CDH13: variants seen among roughly 807,000 people sequenced by gnomAD.
CDH13 encodes the protein cadherin 13.
In CDH13, 24 loss-of-function variants were observed where a neutral mutation model predicts 63.8. The ratio of observed to expected loss-of-function variants is 0.38; its 90% confidence interval spans 0.27 to 0.53. The LOEUF (loss-of-function observed/expected upper bound fraction) is 0.53. Among genes scored for constraint, CDH13 ranks in the 20% least tolerant of loss-of-function variants. CDH13 has a pLI of 0.85. For synonymous variants in CDH13, 503 were observed against 355.3 expected (o/e 1.42, Z -4.67); for missense variants, 1,049 against 903.1 (o/e 1.16, Z -2.07).
chr16:83,411,805 G>C (rs1301643698), intron 6 of CDH13, among the ~76,000 whole-genome samples: 2 of 152,198 alleles, frequency 1.3e-5, no homozygotes, highest in South Asian at 2.1e-4. Flanking sequence ...AAACTAACAA[G>C]TATGGAGCAT....
At chr16:83,391,751 G>T (rs2091791231) in intron 6 of CDH13, among the ~76,000 whole-genome samples, 1 of 152,154 alleles carries the variant, frequency 6.6e-6, no homozygotes, top group Non-Finnish European at 1.5e-5. Context: ...TATTGCCATT[G>T]GTTAGGCAAT....
chr16:82,770,204 T>C (rs1489155789), intron 1 of CDH13, among the ~76,000 whole-genome samples: 2 of 152,236 alleles, frequency 1.3e-5, no homozygotes, highest in East Asian at 3.8e-4. Context: ...TAGAGAATAG[T>C]GTTCGAATAG....
At chr16:83,747,335 A>G (rs1912679317) in intron 10 of CDH13, among the ~76,000 whole-genome samples, 1 of 152,144 alleles carries the variant, frequency 6.6e-6, no homozygotes, top group South Asian at 2.1e-4. Flanking sequence ...GATAGTGAAT[A>G]AGTCCCATGA....
intron 11 of CDH13, among the ~76,000 whole-genome samples, chr16:83,765,652 C>T (rs1914328069): frequency 6.6e-6 from 1 of 151,946 alleles, no homozygotes; most frequent in South Asian, 2.1e-4. Context: ...AGTTTAAAAA[C>T]AATGAGATTC....
intron 7 of CDH13, among the ~76,000 whole-genome samples, chr16:83,589,382 A>G (rs1272633757): frequency 7.6e-6 from 1 of 131,152 alleles, no homozygotes; most frequent in African/African-American, 2.8e-5. Flanking sequence ...CTCCCCCAAC[A>G]CCATCTTCTC....
intron 6 of CDH13, among the ~76,000 whole-genome samples, chr16:83,429,326 C>A (rs1420380655): frequency 6.6e-6 from 1 of 152,176 alleles, no homozygotes; most frequent in African/African-American, 2.4e-5. Flanking sequence ...TCATGAGGTA[C>A]AGGGGACTTA....
At chr16:82,815,381 A>G (rs1326750845) in intron 1 of CDH13, among the ~76,000 whole-genome samples, 1 of 152,058 alleles carries the variant, frequency 6.6e-6, no homozygotes, top group African/African-American at 2.4e-5. Context: ...ATGGTACACA[A>G]TTCTAAGGTG....
At chr16:82,854,307 A>C (rs557415045) in intron 1 of CDH13, among the ~76,000 whole-genome samples, 1 of 149,992 alleles carries the variant, frequency 6.7e-6, no homozygotes, top group South Asian at 2.2e-4. Flanking sequence ...AGGCTGAGGC[A>C]GGAGAATGGC....
intron 1 of CDH13, chr16:82,639,524 A>G: frequency 8.5e-7 from 1 of 1,171,368 alleles, no homozygotes; most frequent in Non-Finnish European, 1.2e-6. Flanking sequence ...AGGGATGCTA[A>G]GAAACCCTGT....
At position 82,850,654 on chromosome 16, in the gene CDH13, A is replaced by C. The variant is rs113615617; in HGVS notation, c.46-7708A>C. Among the ~76,000 whole-genome samples, 1,082 of 152,328 alleles carry C rather than the reference A, an allele frequency of 7.1e-3. 13 individuals are homozygous for C. Among genetic ancestry groups the C allele is most frequent in the African/African-American group, 0.023 (966 of 41,560 alleles). On this transcript the variant is annotated intron_variant, in intron 1 of 13. Transcript: ENST00000567109. ...CAAATAGCATCACATGCTATAGAGAAATCATTCGTGAAAGGAAGAGTCGAT... is the reference window on the plus strand; with the variant it reads ...CAAATAGCATCACATGCTATAGAGACATCATTCGTGAAAGGAAGAGTCGAT...
chr16:83,762,061 A>AAAAAATAAAAT (rs1368745709), intron 11 of CDH13, among the ~76,000 whole-genome samples: 1 of 151,736 alleles, frequency 6.6e-6, no homozygotes, highest in African/African-American at 2.4e-5. Flanking sequence ...GACCCCACCT[A>AAAAAATAAAAT]AAAAATAAAA....
intron 2 of CDH13, among the ~76,000 whole-genome samples, chr16:82,942,652 C>T (rs1904305018): frequency 6.6e-6 from 1 of 152,076 alleles, no homozygotes; most frequent in African/African-American, 2.4e-5. Context: ...GCTGTATGTG[C>T]ACTGGCCTGG....
intron 9 of CDH13, among the ~76,000 whole-genome samples, chr16:83,672,034 C>T (rs1914542192): frequency 6.6e-6 from 1 of 152,190 alleles, no homozygotes; most frequent in South Asian, 2.1e-4. Flanking sequence ...GCCTGAGCAG[C>T]AGGGATCAAT....
At chr16:82,899,489 G>C (rs1265862990) in intron 2 of CDH13, among the ~76,000 whole-genome samples, 2 of 152,038 alleles carry the variant, frequency 1.3e-5, no homozygotes, top group Non-Finnish European at 2.9e-5. Flanking sequence ...TTTCAGATTT[G>C]TTTGATGATA....
chr16:83,364,567 G>A (rs2091223695), intron 6 of CDH13, among the ~76,000 whole-genome samples: 1 of 152,184 alleles, frequency 6.6e-6, no homozygotes. Flanking sequence ...TGGAAGAGGT[G>A]ACTTTAAACT....
chr16:83,606,947 A>G (rs928811271), intron 8 of CDH13, among the ~76,000 whole-genome samples: 1 of 151,968 alleles, frequency 6.6e-6, no homozygotes, highest in African/African-American at 2.4e-5. Context: ...AGTAAATGTC[A>G]CTTGAAAACT....
At chr16:83,377,209 C>G (rs953873269) in intron 6 of CDH13, among the ~76,000 whole-genome samples, 1 of 152,020 alleles carries the variant, frequency 6.6e-6, no homozygotes, top group Non-Finnish European at 1.5e-5. Context: ...ACTAAATAAC[C>G]AGAATAAGAA....
At chr16:83,663,251 G>A (rs769727009) in intron 8 of CDH13, among the ~76,000 whole-genome samples, 14 of 152,140 alleles carry the variant, frequency 9.2e-5, no homozygotes, top group Non-Finnish European at 1.8e-4. Context: ...TGACTCCCTA[G>A]TACCACTGTT....
At chr16:83,617,067 C>A (rs1323075434) in intron 8 of CDH13, among the ~76,000 whole-genome samples, 1 of 152,186 alleles carries the variant, frequency 6.6e-6, no homozygotes, top group Admixed American at 6.5e-5. Context: ...AGCCCCCTTC[C>A]TAGCCTAGAG....
Sources: allele counts gnomAD v4.1 joint callset (sites outside exome capture counted in the v4.1 genomes callset), GRCh38; gene constraint gnomAD v4.1.1; transcripts MANE v1.5; gene names NCBI Gene and HGNC (gene_info 2026-07-23, HGNC 2026-07-21).